Variants in RILPL2 observed in about 807,000 individuals in gnomAD.
RILPL2 encodes Rab interacting lysosomal protein like 2.
A neutral mutation model predicts 22.2 loss-of-function variants in RILPL2; 19 were observed. That is an observed-to-expected ratio of 0.86 (90% CI 0.60 to 1.25). The LOEUF is 1.25. Among genes scored for constraint, RILPL2 ranks in the 50% most tolerant of loss-of-function variants. RILPL2 has a pLI of 0.00. For missense variants in RILPL2, 243 were observed against 263.6 expected, an observed-to-expected ratio of 0.92 and a Z score of 0.54; for synonymous variants, 123 against 111.6, an observed-to-expected ratio of 1.10 and a Z score of -0.64.
intron 2 of RILPL2, among the ~76,000 whole-genome samples, chr12:123,426,768 A>AT (rs911308235): frequency 1.5e-4 from 22 of 150,260 alleles, no homozygotes; most frequent in Non-Finnish European, 3.1e-4. Flanking sequence ...CGTCTGGCTA[A>AT]TTTTTTTATA....
intron 3 of RILPL2, among the ~76,000 whole-genome samples, chr12:123,420,814 G>A (rs1008310008): frequency 2.0e-5 from 3 of 152,106 alleles, no homozygotes; most frequent in Admixed American, 6.6e-5. Flanking sequence ...TTTCCCTGCC[G>A]TAGATTCCAT....
chr12:123,430,322 T>C lies in RILPL2; in HGVS notation c.491+186A>G, dbSNP rs191427562. 5.1e-3 allele frequency among the ~76,000 whole-genome samples: 777 copies of C among 151,864 alleles called. 25 individuals carry two copies. In the East Asian group the frequency reaches 0.054, roughly 11 times the overall value. On this transcript the variant is annotated intron_variant, in intron 2 of 3. Coordinates refer to ENST00000280571, the MANE Select transcript of RILPL2 (RefSeq NM_145058.3). ...TACTCGGGAGGCTGAGGCAGGAGAA[T>C]GGCGTGAACCCGGGAGGCAGAGGTT... is the stretch of plus-strand genomic sequence containing the variant.
chr12:123,410,121 A>G (rs1329924750), downstream of RILPL2, among the ~76,000 whole-genome samples: 1 of 152,216 alleles, frequency 6.6e-6, no homozygotes. Context: ...TGCTGGGATT[A>G]TAGGCATGAG....
At chr12:123,433,829 A>G (rs1034011162) in intron 1 of RILPL2, among the ~76,000 whole-genome samples, 1 of 152,198 alleles carries the variant, frequency 6.6e-6, no homozygotes, top group Non-Finnish European at 1.5e-5. Flanking sequence ...AGAGCCTAGC[A>G]TCAGTCACTG....
chr12:123,413,761 G>T (rs1454144000), downstream of RILPL2: 1 of 152,232 alleles, frequency 6.6e-6, no homozygotes, highest in Non-Finnish European at 1.5e-5. Context: ...ACAGGGCGCT[G>T]ATTGGTGCGT....
At position 123,436,552 on chromosome 12, in the gene RILPL2, G is replaced by A. The variant is rs1879811047; in HGVS notation, c.-132C>T. 5.7e-6 allele frequency: 8 copies of A among 1,403,132 alleles called. No individual in the cohort carries two copies. The highest frequency in any genetic ancestry group is 7.5e-6 in the Non-Finnish European group (8 of 1,065,626). The allele number at this position is 1,403,132 out of a possible 1,614,324, so 86.9% of individuals were successfully genotyped here. On this transcript the variant is annotated 5_prime_UTR_variant, in exon 1 of 4. Transcript: ENST00000280571. This position sits in a 1 kb window ranked among gnomAD's most constrained non-coding sequence, Gnocchi z 6.7. ...CCCAATCAGCGCGGCCCGGGGGTGG[G>A]CCCGGGGGGATGGTGCAAGGGGCCG...
intron 1 of RILPL2, among the ~76,000 whole-genome samples, chr12:123,435,722 G>C (rs1879774559): frequency 1.3e-5 from 2 of 152,172 alleles, no homozygotes; most frequent in African/African-American, 2.4e-5. Flanking sequence ...CTGGGAGATA[G>C]AGCAGGACCC....
downstream of RILPL2, chr12:123,411,322 C>T (rs1222046526): frequency 1.3e-5 from 2 of 151,874 alleles, no homozygotes; most frequent in Admixed American, 6.6e-5. Flanking sequence ...AGCCACCGCG[C>T]CCAGCCCTAT....
At chr12:123,409,945 C>T in the RILPL2 span, among the ~76,000 whole-genome samples, 199 of 152,044 alleles carry the variant, frequency 1.3e-3, 1 homozygote, top group South Asian at 4.6e-3. Context: ...AGGCTGGTTT[C>T]GAACTCCTGA....
the RILPL2 span, among the ~76,000 whole-genome samples, chr12:123,409,869 G>A: frequency 2.6e-5 from 4 of 151,862 alleles, no homozygotes; most frequent in South Asian, 4.2e-4. Flanking sequence ...GATTACAGGC[G>A]CCAGCCACCA....
intron 3 of RILPL2, among the ~76,000 whole-genome samples, chr12:123,419,606 CT>C (rs11361281): frequency 0.22 from 29,191 of 130,020 alleles, 2,612 homozygotes; most frequent in Middle Eastern, 0.3. Context: ...TCCCTTTTTT[CT>C]TTTTTTTTTT....
At chr12:123,410,233 T>C (rs1878930599), downstream of RILPL2, among the ~76,000 whole-genome samples, 2 of 152,234 alleles carry the variant, frequency 1.3e-5, no homozygotes, top group South Asian at 4.1e-4. Flanking sequence ...TTGCGACTTA[T>C]AATTTACTAG....
intron 2 of RILPL2, among the ~76,000 whole-genome samples, chr12:123,424,356 G>C (rs1879374522): frequency 8.6e-6 from 1 of 116,916 alleles, no homozygotes; most frequent in Non-Finnish European, 1.8e-5. Flanking sequence ...TTTTGAGACA[G>C]AGTCTTGCTC....
chr12:123,414,374 G>C (rs1423680851), downstream of RILPL2: 1 of 153,298 alleles, frequency 6.5e-6, no homozygotes, highest in African/African-American at 2.4e-5. Context: ...GCCCCTCATT[G>C]CCCGGAGCCG....
At chr12:123,414,954 C>G (rs1326472098), downstream of RILPL2, 1 of 80,038 alleles carries the variant, frequency 1.2e-5, no homozygotes, top group South Asian at 5.1e-4. Flanking sequence ...AAAAAAAAAT[C>G]TATAAACTGG....
intron 3 of RILPL2, among the ~76,000 whole-genome samples, chr12:123,422,253 T>TG (rs1879306675): frequency 6.6e-6 from 1 of 150,622 alleles, no homozygotes; most frequent in Admixed American, 6.6e-5. Context: ...CCAGGCGCAG[T>TG]GGCTCATGCC....
At chr12:123,426,410 C>T (rs1481468038) in intron 2 of RILPL2, among the ~76,000 whole-genome samples, 3 of 152,244 alleles carry the variant, frequency 2.0e-5, no homozygotes, top group South Asian at 4.1e-4. Flanking sequence ...ACGTTGTCCT[C>T]CCAAAGTGTT....
intron 1 of RILPL2, among the ~76,000 whole-genome samples, chr12:123,431,561 C>T (rs569371140): frequency 1.3e-5 from 2 of 152,212 alleles, no homozygotes; most frequent in South Asian, 2.1e-4. Flanking sequence ...CGGTGGCTCA[C>T]GCCTGTTATC....
At position 123,417,124 on chromosome 12, in the gene RILPL2, C is replaced by T. The variant is rs187724252; in HGVS notation, c.606-1203G>A. On this transcript the variant is annotated intron_variant, in intron 3 of 3. Coordinates refer to ENST00000280571, the MANE Select transcript of RILPL2 (RefSeq NM_145058.3). Reference sequence around the variant, plus strand: ...GACCAGCCTGAGAAACGTGGAGAAACCCCATCTTTACCAAAAATACAAAAA... The same window carrying T: ...GACCAGCCTGAGAAACGTGGAGAAATCCCATCTTTACCAAAAATACAAAAA... Among the ~76,000 whole-genome samples the T allele has an allele frequency of 6.6e-5, 10 of 151,992 alleles. No individual in the cohort carries two copies. The East Asian group carries it at 1.4e-3, about 21-fold the overall frequency.
Sources: gnomAD v4.1 joint callset for allele counts (sites outside exome capture counted in the v4.1 genomes callset) on GRCh38, gnomAD v4.1.1 for gene constraint, Gnocchi (gnomAD v3.1) non-coding constraint, MANE v1.5 for transcripts, NCBI Gene and HGNC (gene_info 2026-07-23, HGNC 2026-07-21) for gene names.